The following INF2 variants were observed in gnomAD, a reference collection of about 807,000 sequenced individuals.
INF2 encodes inverted formin-2.
INF2 carries 43 observed loss-of-function variants against 123.5 expected under a neutral mutation model. That is an observed-to-expected ratio of 0.35 (90% CI 0.27 to 0.45). The LOEUF (loss-of-function observed/expected upper bound fraction) is 0.45, where lower values mean the gene tolerates loss of function less well. Among genes scored for constraint, INF2 ranks in the 20% least tolerant of loss-of-function variants. INF2 has a pLI of 1.00. For synonymous variants in INF2, 851 were observed against 745.0 expected, an observed-to-expected ratio of 1.14 and a Z score of -2.32; for missense variants, 1,453 against 1,682.7, an observed-to-expected ratio of 0.86 and a Z score of 2.39.
chr14:104,710,983 G>T lies in INF2; in HGVS notation c.2286G>T (p.Leu762=). 6.2e-7 allele frequency: 1 copy of T among 1,610,678 alleles called. No homozygotes were observed. Among genetic ancestry groups the T allele is most frequent in the South Asian group, 1.1e-5 (1 of 90,936 alleles). ...TGCCCATCTTCTGCCAGCTGATCCT[G>T]AGAATTGGGAACTTCCTCAACTACG... ...RQLPIFCQLI[L]RIGNFLNYGS... Residue 762 remains leucine (L), a synonymous_variant, in exon 14 of 23, where the codon CTG becomes CTT. Coordinates refer to ENST00000392634, the MANE Select transcript of INF2 (RefSeq NM_022489.4).
chr14:104,696,268 C>G (rs1889186035), intron 1 of INF2, among the ~76,000 whole-genome samples: 1 of 152,204 alleles, frequency 6.6e-6, no homozygotes, highest in Non-Finnish European at 1.5e-5. Context: ...GAGCCTTGCA[C>G]TCCATCCAGA....
At chr14:104,691,559 G>C (rs941861312) in intron 1 of INF2, among the ~76,000 whole-genome samples, 5 of 152,324 alleles carry the variant, frequency 3.3e-5, no homozygotes, top group Admixed American at 2.6e-4. Context: ...CATTGGAGAA[G>C]GCACACCCAC....
rs2140672247 is a variant in INF2, at chr14:104,708,549, A to G, written c.1849A>G (p.Thr617Ala). The G allele has an allele frequency of 6.2e-7, 1 of 1,612,268 alleles. No individual in the cohort carries two copies. The highest frequency in any genetic ancestry group is 8.5e-7 in the Non-Finnish European group (1 of 1,179,716). Residue 617 changes from threonine (T) to alanine (A), a missense_variant, in exon 9 of 23, where the codon ACC becomes GCC. Thr to Ala is a moderately conservative substitution (Grantham distance 58). Around this residue, in one of 8 missense-constraint regions of INF2, gnomAD observed 192 missense variants for 274.4 expected, o/e 0.70. Transcript: ENST00000392634. ...SFPAAKPKEP[T>A]MVAPRARKEP... Reference sequence around the variant, plus strand: ...CCCTGCAGCCAAGCCCAAGGAGCCCACCATGGTGGCCCCCCGGGCCAGGAA... The same window carrying G: ...CCCTGCAGCCAAGCCCAAGGAGCCCGCCATGGTGGCCCCCCGGGCCAGGAA...
rs1890553158 is a variant in INF2, at chr14:104,721,395, T to A, written c.*2602T>A. 6.3e-6 allele frequency: 1 copy of A among 158,246 alleles called. No individual in the cohort carries two copies. Among genetic ancestry groups the A allele is most frequent in the African/African-American group, 2.4e-5 (1 of 41,126 alleles). 9.8% of individuals were successfully genotyped at this position (158,246 alleles called of 1,614,324 possible). ...TCTCGTGTGGATGCTGCTGTGGACG[T>A]CTGCGTCGTCCTCGTGTGGATGCTG... is the stretch of plus-strand genomic sequence containing the variant. On this transcript the variant is annotated 3_prime_UTR_variant, in exon 23 of 23. Transcript: ENST00000392634.
chr14:104,705,830 C>T (rs1369731999), intron 5 of INF2, among the ~76,000 whole-genome samples: 10 of 152,170 alleles, frequency 6.6e-5, no homozygotes, highest in African/African-American at 1.9e-4. Flanking sequence ...CCTGGCAGGG[C>T]GCAAGGCACT....
Position 104,714,266 on chromosome 14 carries a change from G to A in INF2, c.3104G>A (p.Gly1035Asp), listed in dbSNP as rs751648279. The A allele has an allele frequency of 3.8e-6, 6 of 1,594,290 alleles. No homozygotes were observed. The highest frequency in any genetic ancestry group is 4.3e-6 in the Non-Finnish European group (5 of 1,172,132). The change falls in exon 21 of 23, where the codon GGC becomes GAC. Residue 1035 changes from glycine to aspartate, a missense_variant. Around this residue, in one of 8 missense-constraint regions of INF2, gnomAD observed 344 missense variants for 333.1 expected, o/e 1.03. Coordinates refer to ENST00000392634, the MANE Select transcript of INF2 (RefSeq NM_022489.4). ...ACGCGCTGTCCCGCCTCTGAGCCCG[G>A]CCTTGATGCTACAACAGCCAGCGAG... is the stretch of plus-strand genomic sequence containing the variant. Reference protein sequence around the residue: ...GSTRCPASEPGLDATTASESR... With the variant: ...GSTRCPASEPDLDATTASESR...
chr14:104,689,353 G>T, upstream of INF2: 3 of 745,398 alleles, frequency 4.0e-6, no homozygotes, highest in South Asian at 1.8e-4. Context: ...GGCGGGAGAC[G>T]GCCCCGATCT....
chr14:104,682,260 G>A (rs4983524), intron 1 of INF2, among the ~76,000 whole-genome samples: 13,469 of 152,274 alleles, frequency 0.088, 1,100 homozygotes, highest in East Asian at 0.31. Context: ...GAGGGCCTAG[G>A]GGCTGGGTCA....
At chr14:104,712,363 G>T (rs767490958) in intron 16 of INF2, 70 bp from the exon 17 acceptor site, 50 of 1,600,926 alleles carry the variant, frequency 3.1e-5, no homozygotes, top group Non-Finnish European at 3.9e-5. Context: ...GTGCAGGGGA[G>T]GGGCTCCCCT....
At chr14:104,691,241 A>G (rs1461294568) in intron 1 of INF2, 1 of 152,260 alleles carries the variant, frequency 6.6e-6, no homozygotes, top group Non-Finnish European at 1.5e-5. Context: ...TGCGCCTTCC[A>G]TCAAAGTGCA....
rs1196010829 is a variant in INF2 at position 104,703,023 on chromosome 14, G to A, written c.392-82G>A. ...CCCTGGCGTCTGCCTGCCAGGCCCA[G>A]AGCCCCAGCCCTGAGCCCAGCTGCA... is the stretch of plus-strand genomic sequence containing the variant. On this transcript the variant is annotated intron_variant, in intron 2 of 22. Transcript: ENST00000392634. 22 of 1,186,536 alleles carry A rather than the reference G, an allele frequency of 1.9e-5. No homozygotes were observed. The East Asian group carries it at 4.9e-4, about 27-fold the overall frequency. The allele number at this position is 1,186,536 out of a possible 1,614,324, so 73.5% of individuals were successfully genotyped here. A position where few individuals can be genotyped will look rare whatever the true frequency, so the allele number is the denominator to read the frequency against.
chr14:104,700,390 T>TCCCTGCCAGGC (rs1046185992), intron 1 of INF2, among the ~76,000 whole-genome samples: 1 of 152,088 alleles, frequency 6.6e-6, no homozygotes, highest in African/African-American at 2.4e-5. Context: ...TCAGAGCGTG[T>TCCCTGCCAGGC]CCCTGCCAGG....
Position 104,707,117 on chromosome 14 carries a change from G to A in INF2, c.985+66G>A, listed in dbSNP as rs57402537. The A allele has an allele frequency of 0.078, 118,000 of 1,520,930 alleles. 5,026 individuals are homozygous for A. The highest frequency in any genetic ancestry group is 0.1 in the Middle Eastern group (473 of 4,546). 94.2% of individuals were successfully genotyped at this position (1,520,930 alleles called of 1,614,324 possible). ...CAGACACTGAGGTCTTAGACCATGG[G>A]GGGGGGAGCCTGCCCTTGGCCCCAA... is the stretch of plus-strand genomic sequence containing the variant. On this transcript the variant is annotated intron_variant, in intron 7 of 22. Coordinates refer to ENST00000392634, the MANE Select transcript of INF2 (RefSeq NM_022489.4).
At chr14:104,718,730 C>T (rs375612066) in intron 22 of INF2, 65 bp from the exon 23 acceptor site, 50 of 1,590,546 alleles carry the variant, frequency 3.1e-5, no homozygotes, top group South Asian at 5.7e-5. Flanking sequence ...CACCCAGAAG[C>T]GGGCACCTGA....
chr14:104,692,803 G>A (rs1312447989), intron 1 of INF2, among the ~76,000 whole-genome samples: 1 of 152,262 alleles, frequency 6.6e-6, no homozygotes, highest in Non-Finnish European at 1.5e-5. Flanking sequence ...CCACGCCAAT[G>A]GCCAAGGGCA....
Position 104,718,849 on chromosome 14 carries a change from G to A in INF2, c.*56G>A. On this transcript the variant is annotated 3_prime_UTR_variant, in exon 23 of 23. Coordinates refer to ENST00000392634, the MANE Select transcript of INF2 (RefSeq NM_022489.4). ...GAGAGCCCAGGCCACAGGACATGCT[G>A]CCATTCTGCCAAGAGAGGCTCTTCT... 1.2e-6 allele frequency: 2 copies of A among 1,609,486 alleles called. No individual in the cohort carries two copies. The highest frequency in any genetic ancestry group is 1.7e-6 in the Non-Finnish European group (2 of 1,178,624).
intron 1 of INF2, among the ~76,000 whole-genome samples, chr14:104,692,534 G>T (rs1014145084): frequency 6.6e-6 from 1 of 152,216 alleles, no homozygotes; most frequent in Non-Finnish European, 1.5e-5. Context: ...GCCACTCTGG[G>T]AATAGGACAG....
At chr14:104,713,395 G>A (rs770178412) in intron 19 of INF2, 50 bp from the exon 20 acceptor site, 63 of 1,586,866 alleles carry the variant, frequency 4.0e-5, no homozygotes, top group Non-Finnish European at 5.2e-5. Flanking sequence ...CAGCCCTCTA[G>A]GTGGGCTCCA....
intron 5 of INF2, among the ~76,000 whole-genome samples, chr14:104,705,582 TG>T (rs1368554944): frequency 6.6e-6 from 1 of 152,192 alleles, no homozygotes; most frequent in Non-Finnish European, 1.5e-5. Context: ...AGTTTCCTCC[TG>T]CTCAGGCCAG....
Sources: gnomAD v4.1 joint callset for allele counts (sites outside exome capture counted in the v4.1 genomes callset) on GRCh38, gnomAD v4.1.1 for gene constraint, gnomAD v4.1.1 regional missense constraint, MANE v1.5 for transcripts, NCBI Gene and HGNC (gene_info 2026-07-23, HGNC 2026-07-21) for gene names.